The following GSTCD variants were observed in gnomAD, a reference collection of about 807,000 sequenced individuals.
GSTCD encodes the protein glutathione S-transferase C-terminal domain containing.
In GSTCD, 44 loss-of-function variants were observed where a neutral mutation model predicts 68.3. The ratio of observed to expected loss-of-function variants is 0.64; its 90% CI spans 0.51 to 0.83. GSTCD has a LOEUF of 0.83. Among genes scored for constraint, GSTCD ranks in the 40% least tolerant of loss-of-function variants. The pLI is 0.00. For missense variants in GSTCD, 739 were observed against 735.9 expected, an observed-to-expected ratio of 1.00 and a Z score of -0.05; for synonymous variants, 273 against 255.2, an observed-to-expected ratio of 1.07 and a Z score of -0.67.
chr4:105,802,926 A>G (rs939425533), intron 5 of GSTCD, among the ~76,000 whole-genome samples: 1 of 152,040 alleles, frequency 6.6e-6, no homozygotes, highest in Non-Finnish European at 1.5e-5. Flanking sequence ...TTGGGCAAAC[A>G]CCCTACACTC....
At chr4:105,733,274 T>G (rs1195886675) in intron 5 of GSTCD, among the ~76,000 whole-genome samples, 1 of 152,192 alleles carries the variant, frequency 6.6e-6, no homozygotes, top group South Asian at 2.1e-4. Context: ...ATCTGTCTAA[T>G]GTTGACAGTG....
In GSTCD at chr4:105,842,126, G is replaced by A. The variant is rs1309631935; in HGVS notation, c.1757G>A (p.Arg586Lys). 6.2e-7 allele frequency: 1 copy of A among 1,613,420 alleles called. No individual in the cohort carries two copies. The highest frequency in any genetic ancestry group is 1.1e-5 in the South Asian group (1 of 91,050). ...GCTGTCCAGCTCCCACCCCAACGAAGGCTCATAGGTATGTGTTTTCACAGA... is the reference window on the plus strand; with the variant it reads ...GCTGTCCAGCTCCCACCCCAACGAAAGCTCATAGGTATGTGTTTTCACAGA... ...QTAVQLPPQR[R>K]LIGKQCMCLV... The change falls in exon 11 of 12, where the codon AGG becomes AAG. Residue 586 changes from arginine (R) to lysine (K), a missense_variant. Transcript: ENST00000515279.
intron 5 of GSTCD, among the ~76,000 whole-genome samples, chr4:105,751,942 C>T (rs571553372): frequency 2.6e-5 from 4 of 152,236 alleles, no homozygotes; most frequent in African/African-American, 7.2e-5. Context: ...ACCTAAATCC[C>T]GTGGGACTAC....
At chr4:105,771,166 GTC>G (rs1429812890) in intron 5 of GSTCD, among the ~76,000 whole-genome samples, 1 of 151,718 alleles carries the variant, frequency 6.6e-6, no homozygotes. Context: ...CCACATAAAT[GTC>G]TTCTTTTGAG....
At chr4:105,837,233 C>G (rs1277861573) in intron 9 of GSTCD, among the ~76,000 whole-genome samples, 1 of 152,176 alleles carries the variant, frequency 6.6e-6, no homozygotes, top group Non-Finnish European at 1.5e-5. Context: ...AACCCAGAGC[C>G]CTTATCCCAC....
At chr4:105,738,575 T>C in intron 5 of GSTCD, among the ~76,000 whole-genome samples, 1 of 152,212 alleles carries the variant, frequency 6.6e-6, no homozygotes, top group East Asian at 1.9e-4. Context: ...TGTTTTATAG[T>C]TTTTCTCTAA....
At chr4:105,819,992 T>TTTA (rs1723204095) in intron 5 of GSTCD, among the ~76,000 whole-genome samples, 1 of 151,824 alleles carries the variant, frequency 6.6e-6, no homozygotes, top group Non-Finnish European at 1.5e-5. Context: ...ATCCATGCAC[T>TTTA]CTTTTATAAG....
intron 11 of GSTCD, among the ~76,000 whole-genome samples, chr4:105,842,435 A>T (rs1463079430): frequency 1.3e-5 from 2 of 152,246 alleles, no homozygotes; most frequent in Non-Finnish European, 2.9e-5. Flanking sequence ...ATCAAAAGCC[A>T]TAAAAGAAAA....
intron 3 of GSTCD, 139 bp downstream of exon 3, chr4:105,719,666 T>A: frequency 1.5e-6 from 1 of 655,154 alleles, no homozygotes; most frequent in Non-Finnish European, 2.6e-6. Context: ...TTCTTATCTG[T>A]AAAATGGTGA....
chr4:105,717,628 G>A lies in GSTCD; in HGVS notation c.15G>A (p.Lys5=). 1.9e-6 allele frequency: 3 copies of A among 1,562,882 alleles called. No homozygotes were observed. The Admixed American group carries it at 6.1e-5, about 32-fold the overall frequency. Residue 5 remains lysine, a synonymous_variant, in exon 2 of 12, where the codon AAG becomes AAA. Coordinates refer to ENST00000515279, the MANE Select transcript of GSTCD (RefSeq NM_001370181.1). ...GAAAGAAGAAAATGAAAGCCATAAA[G>A]AAAAGTCTTACAGAAGAAGAATACC... The part of the protein sequence containing the change: MKAI[K]KSLTEEEYLY...
intron 4 of GSTCD, among the ~76,000 whole-genome samples, chr4:105,728,680 T>TATATAGATATAG (rs5860812): frequency 1.4e-5 from 2 of 146,852 alleles, no homozygotes; most frequent in African/African-American, 2.6e-5. Context: ...TAGATATAGA[T>TATATAGATATAG]ATATAGATAT....
intron 1 of GSTCD, among the ~76,000 whole-genome samples, chr4:105,717,361 C>T (rs1732711439): frequency 6.6e-6 from 1 of 152,080 alleles, no homozygotes; most frequent in South Asian, 2.1e-4. Context: ...GGGGTTTGCT[C>T]ATTTTAAAGG....
Position 105,749,568 on chromosome 4 carries a change from CT to C in GSTCD, c.1240+20073del, listed in dbSNP as rs1733935130. ...AGCAACTCAATGGAAGAAGGATAGTCTTTTCAGCAACCATTGCTCTATCAAT... is the reference window on the plus strand; with the variant it reads ...AGCAACTCAATGGAAGAAGGATAGTCTTTCAGCAACCATTGCTCTATCAAT... On this transcript the variant is annotated intron_variant, in intron 5 of 11. Coordinates refer to ENST00000515279, the MANE Select transcript of GSTCD (RefSeq NM_001370181.1). Among the ~76,000 whole-genome samples the C allele has an allele frequency of 2.0e-5, 3 of 149,800 alleles. No individual in the cohort carries two copies. In the South Asian group the frequency reaches 6.3e-4, roughly 32 times the overall value.
At chr4:105,752,014 C>T (rs573255491) in intron 5 of GSTCD, among the ~76,000 whole-genome samples, 1 of 152,214 alleles carries the variant, frequency 6.6e-6, no homozygotes, top group East Asian at 1.9e-4. Flanking sequence ...ACTTTAGAGT[C>T]CTCAACAAAA....
At chr4:105,714,341 G>C (rs960820720) in intron 1 of GSTCD, among the ~76,000 whole-genome samples, 2 of 152,108 alleles carry the variant, frequency 1.3e-5, no homozygotes, top group African/African-American at 4.8e-5. Flanking sequence ...GGAGTAACAA[G>C]AGCTGTGCCG....
chr4:105,835,784 A>G (rs1724089722), intron 9 of GSTCD, among the ~76,000 whole-genome samples: 1 of 152,212 alleles, frequency 6.6e-6, no homozygotes, highest in Non-Finnish European at 1.5e-5. Context: ...AGAATGAGGT[A>G]CACAGACAAT....
At chr4:105,838,344 G>A (rs972901112) in intron 10 of GSTCD, among the ~76,000 whole-genome samples, 3 of 152,204 alleles carry the variant, frequency 2.0e-5, no homozygotes, top group African/African-American at 4.8e-5. Flanking sequence ...CTCTGTAAAC[G>A]TGCTTGAAAA....
intron 3 of GSTCD, among the ~76,000 whole-genome samples, chr4:105,725,421 C>G (rs1732998942): frequency 6.6e-6 from 1 of 152,134 alleles, no homozygotes. Context: ...AACTGTCTTT[C>G]AAAGTGGCTG....
intron 1 of GSTCD, among the ~76,000 whole-genome samples, chr4:105,711,564 A>T (rs1192905843): frequency 6.6e-6 from 1 of 152,250 alleles, no homozygotes; most frequent in Admixed American, 6.5e-5. Context: ...GTTATAAATT[A>T]TAAAGAAATA....
Sources: allele counts gnomAD v4.1 joint callset (sites outside exome capture counted in the v4.1 genomes callset), GRCh38; gene constraint gnomAD v4.1.1; transcripts MANE v1.5; gene names NCBI Gene and HGNC (gene_info 2026-07-23, HGNC 2026-07-21).